Variants in SDK1 observed in about 807,000 individuals in gnomAD.
The protein encoded by SDK1 is protein sidekick-1.
A neutral mutation model predicts 245.5 loss-of-function variants in SDK1; 157 were observed. The ratio of observed to expected loss-of-function variants is 0.64; its 90% CI spans 0.56 to 0.73. SDK1 has a LOEUF of 0.73. Ranked by LOEUF, SDK1 falls within the 30% of genes least tolerant of loss-of-function variation. SDK1 has a pLI of 0.00. For synonymous variants in SDK1, 1,647 were observed against 1,278.5 expected, an observed-to-expected ratio of 1.29 and a Z score of -6.15; for missense variants, 3,583 against 3,002.3, an observed-to-expected ratio of 1.19 and a Z score of -4.52.
At chr7:4,235,918 T>A (rs1178323870) in intron 41 of SDK1, among the ~76,000 whole-genome samples, 2 of 152,314 alleles carry the variant, frequency 1.3e-5, no homozygotes, top group African/African-American at 4.8e-5. Flanking sequence ...TCCTACCAGG[T>A]GCTGGGGTCA....
intron 1 of SDK1, among the ~76,000 whole-genome samples, chr7:3,531,613 G>A (rs1240187464): frequency 6.6e-6 from 1 of 152,096 alleles, no homozygotes; most frequent in African/African-American, 2.4e-5. Context: ...GTGATACAAT[G>A]TATTCATTAT....
chr7:3,633,215 C>A (rs1292364428), intron 2 of SDK1, among the ~76,000 whole-genome samples: 3 of 152,042 alleles, frequency 2.0e-5, no homozygotes, highest in African/African-American at 7.2e-5. Flanking sequence ...ATAGTCTTAT[C>A]TAAAGTGACA....
At chr7:3,687,515 G>A (rs1321631632) in intron 4 of SDK1, among the ~76,000 whole-genome samples, 5 of 152,190 alleles carry the variant, frequency 3.3e-5, no homozygotes, top group East Asian at 1.9e-4. Context: ...CAGTCCATCT[G>A]TAATGTGGGA....
intron 4 of SDK1, among the ~76,000 whole-genome samples, chr7:3,660,575 C>A (rs1432604830): frequency 6.6e-6 from 1 of 152,062 alleles, no homozygotes; most frequent in Non-Finnish European, 1.5e-5. Context: ...GCTCCGCAGC[C>A]AGGTTGAAAA....
intron 4 of SDK1, among the ~76,000 whole-genome samples, chr7:3,644,984 AT>A (rs1782783949): frequency 7.2e-6 from 1 of 139,732 alleles, no homozygotes; most frequent in Non-Finnish European, 1.6e-5. Context: ...GGAGCTTTTA[AT>A]TAACGTCAGT....
At chr7:3,820,519 G>A (rs1329998049) in intron 4 of SDK1, among the ~76,000 whole-genome samples, 1 of 152,206 alleles carries the variant, frequency 6.6e-6, no homozygotes, top group Non-Finnish European at 1.5e-5. Context: ...GGAATTATAA[G>A]TGAAGGATCC....
At chr7:4,225,793 C>T (rs935418808) in intron 40 of SDK1, among the ~76,000 whole-genome samples, 3 of 152,156 alleles carry the variant, frequency 2.0e-5, no homozygotes, top group South Asian at 4.2e-4. Flanking sequence ...CCACAGGGGA[C>T]CAAGATGTGA....
intron 1 of SDK1, among the ~76,000 whole-genome samples, chr7:3,498,170 G>A (rs935153366): frequency 6.6e-6 from 1 of 152,138 alleles, no homozygotes; most frequent in African/African-American, 2.4e-5. Flanking sequence ...CTTCTTTTCT[G>A]TGTGGGGTTT....
intron 1 of SDK1, among the ~76,000 whole-genome samples, chr7:3,347,626 G>A (rs974659590): frequency 2.0e-5 from 3 of 152,074 alleles, no homozygotes; most frequent in Non-Finnish European, 2.9e-5. Context: ...TTTCCCTGTG[G>A]CATGGTTTTT....
intron 4 of SDK1, among the ~76,000 whole-genome samples, chr7:3,806,066 G>A (rs1171264255): frequency 6.6e-6 from 1 of 152,196 alleles, no homozygotes; most frequent in Admixed American, 6.5e-5. Context: ...GACAAGGAAA[G>A]ACTGCAAATG....
At chr7:3,449,756 C>A (rs1780454239) in intron 1 of SDK1, among the ~76,000 whole-genome samples, 1 of 152,202 alleles carries the variant, frequency 6.6e-6, no homozygotes. Flanking sequence ...TCGTTCATTT[C>A]TTCATTCAGC....
intron 1 of SDK1, among the ~76,000 whole-genome samples, chr7:3,465,921 G>A (rs373000868): frequency 6.6e-6 from 1 of 152,160 alleles, no homozygotes; most frequent in Non-Finnish European, 1.5e-5. Context: ...GGTCCAAGTT[G>A]TCTGTGAATA....
chr7:3,668,964 C>A (rs1783615944), intron 4 of SDK1, among the ~76,000 whole-genome samples: 1 of 152,154 alleles, frequency 6.6e-6, no homozygotes, highest in South Asian at 2.1e-4. Flanking sequence ...TCTGGCAGAG[C>A]ATGTCTGGTA....
chr7:3,912,856 C>G (rs1338018723), intron 5 of SDK1, among the ~76,000 whole-genome samples: 3 of 151,982 alleles, frequency 2.0e-5, no homozygotes, highest in Admixed American at 6.5e-5. Flanking sequence ...AAAAAGATTT[C>G]TAGTCCTTAA....
intron 16 of SDK1, among the ~76,000 whole-genome samples, chr7:4,016,669 A>G (rs562195881): frequency 6.6e-6 from 1 of 152,320 alleles, no homozygotes; most frequent in South Asian, 2.1e-4. Flanking sequence ...AGAAATTTCA[A>G]CACCTTTTCA....
chr7:3,881,118 C>G (rs963284325), intron 5 of SDK1, among the ~76,000 whole-genome samples: 1 of 151,704 alleles, frequency 6.6e-6, no homozygotes, highest in Non-Finnish European at 1.5e-5. Context: ...CTTTTAAGTT[C>G]CGGAGTGCTT....
chr7:4,052,353 A>C (rs916499133), intron 19 of SDK1, among the ~76,000 whole-genome samples: 9 of 152,122 alleles, frequency 5.9e-5, no homozygotes, highest in Non-Finnish European at 1.0e-4. Flanking sequence ...AGTTACCCCG[A>C]GAAAATAGTC....
At chr7:3,680,878 C>T (rs2114983343) in intron 4 of SDK1, among the ~76,000 whole-genome samples, 1 of 152,232 alleles carries the variant, frequency 6.6e-6, no homozygotes, top group East Asian at 1.9e-4. Flanking sequence ...GAGTCTCGCT[C>T]TGTTGCCAGG....
intron 4 of SDK1, among the ~76,000 whole-genome samples, chr7:3,785,747 C>T (rs1312047080): frequency 6.6e-6 from 1 of 152,030 alleles, no homozygotes; most frequent in Admixed American, 6.6e-5. Context: ...CTTCTGAGCT[C>T]AGATTGTGAG....
Sources: allele counts gnomAD v4.1 joint callset (sites outside exome capture counted in the v4.1 genomes callset), GRCh38; gene constraint gnomAD v4.1.1; transcripts MANE v1.5; gene names NCBI Gene and HGNC (gene_info 2026-07-23, HGNC 2026-07-21).